The following KATNA1 variants were observed in gnomAD, a reference collection of about 807,000 sequenced individuals.
KATNA1 encodes the protein katanin catalytic subunit A1.
Under a neutral mutation model 62.6 loss-of-function variants are expected in KATNA1, and 42 were observed. The observed-to-expected ratio is 0.67, with a 90% CI of 0.52 to 0.87. The LOEUF is 0.87. Among genes scored for constraint, KATNA1 ranks in the 40% least tolerant of loss-of-function variants. The probability of loss-of-function intolerance (pLI) is 0.00; values close to 1 mark genes in which losing one functional copy is unlikely to be tolerated. For missense variants in KATNA1, 498 were observed against 612.5 expected (o/e 0.81, Z 1.97); for synonymous variants, 186 against 201.9 (o/e 0.92, Z 0.67).
chr6:149,647,776 A>G (rs1354800229), intron 1 of KATNA1, among the ~76,000 whole-genome samples: 1 of 152,210 alleles, frequency 6.6e-6, no homozygotes, highest in Non-Finnish European at 1.5e-5. Context: ...AAGAGAAAAG[A>G]GCATCACTGT....
intron 7 of KATNA1, among the ~76,000 whole-genome samples, chr6:149,598,873 T>A (rs1778428116): frequency 6.6e-6 from 1 of 151,802 alleles, no homozygotes; most frequent in Admixed American, 6.6e-5. Context: ...ATTTATTTAT[T>A]TTTTTTTAAG....
intron 4 of KATNA1, among the ~76,000 whole-genome samples, chr6:149,612,402 G>A (rs12111105): frequency 0.02 from 2,991 of 152,048 alleles, 98 homozygotes; most frequent in African/African-American, 0.07. Flanking sequence ...CCAGCTACTC[G>A]TGAAGCTGAA....
rs1780065445 is a variant in KATNA1 at position 149,636,392 on chromosome 6, T to TA, written c.162+1993_162+1994insT. ...TTCAAGACCAGCCTGAACAACATAGTGAGATGCCATGTCTGTAAAAAATAA... is the reference window on the plus strand; with the variant it reads ...TTCAAGACCAGCCTGAACAACATAGTAGAGATGCCATGTCTGTAAAAAATAA... On this transcript the variant is annotated intron_variant, in intron 2 of 10. Coordinates refer to ENST00000367411, the MANE Select transcript of KATNA1 (RefSeq NM_007044.4). Among the ~76,000 whole-genome samples, 7 of 151,982 alleles carry TA rather than the reference T, an allele frequency of 4.6e-5. No individual in the cohort carries two copies. The South Asian group carries it at 1.5e-3, about 32-fold the overall frequency.
At chr6:149,613,215 A>AAAAAAAAAAAAAAAAG (rs1779033013) in intron 4 of KATNA1, among the ~76,000 whole-genome samples, 1 of 142,426 alleles carries the variant, frequency 7.0e-6, no homozygotes, top group African/African-American at 2.7e-5. Context: ...AAAAAAAAAA[A>AAAAAAAAAAAAAAAAG]AAGAACATCT....
intron 1 of KATNA1, among the ~76,000 whole-genome samples, chr6:149,641,935 C>T (rs150689539): frequency 2.4e-3 from 368 of 152,288 alleles, no homozygotes; most frequent in African/African-American, 7.4e-3. Flanking sequence ...CAGAGTCTCA[C>T]TCTGTTGCCC....
rs1778407082 is a variant in KATNA1, at chr6:149,598,349, G to C, written c.890C>G (p.Ala297Gly). 6.2e-7 allele frequency: 1 copy of C among 1,613,192 alleles called. No individual in the cohort carries two copies. ...EKLVRLLFEM[A>G]RFYSPATIFI... Reference sequence around the variant, plus strand: ...TATGGTGGCTGGAGAATAAAATCGAGCCTAAAGGAAGAAACCATGCAATAT... The same window carrying C: ...TATGGTGGCTGGAGAATAAAATCGACCCTAAAGGAAGAAACCATGCAATAT... The change falls in exon 8 of 11, where the codon GCT becomes GGT. Residue 297 changes from alanine (A) to glycine (G), a missense_variant and splice_region_variant. This residue lies in a region of KATNA1 where 267 missense variants were observed against 372.6 expected (regional missense o/e 0.72). Transcript: ENST00000367411.
intron 1 of KATNA1, among the ~76,000 whole-genome samples, chr6:149,639,554 G>A (rs1035705963): frequency 3.9e-5 from 6 of 152,150 alleles, no homozygotes; most frequent in Non-Finnish European, 7.4e-5. Flanking sequence ...AGCCGAGATC[G>A]CACCACAGCA....
At chr6:149,595,992 G>C (rs1434006805) in intron 10 of KATNA1, among the ~76,000 whole-genome samples, 1 of 152,136 alleles carries the variant, frequency 6.6e-6, no homozygotes, top group African/African-American at 2.4e-5. Flanking sequence ...ACTGTATTCT[G>C]TGCATATGCC....
chr6:149,629,178 CT>C (rs1323394057), intron 3 of KATNA1, among the ~76,000 whole-genome samples: 10 of 152,096 alleles, frequency 6.6e-5, no homozygotes, highest in Non-Finnish European at 5.9e-5. Context: ...CTGGGAACAT[CT>C]ATTTGTTGGA....
rs748983274 is a variant in KATNA1, at chr6:149,620,540, C to T, written c.501+2563G>A. ...AACTCCTGACCTCAAGTGATCTGCC[C>T]GCCTTGGCCTCCCAAAGTGATGGGA... is the stretch of plus-strand genomic sequence containing the variant. On this transcript the variant is annotated intron_variant, in intron 4 of 10. Transcript: ENST00000367411. 3.9e-5 allele frequency among the ~76,000 whole-genome samples: 6 copies of T among 152,102 alleles called. No homozygotes were observed. The East Asian group carries it at 5.8e-4, about 15-fold the overall frequency.
At chr6:149,633,343 G>A (rs193285548) in intron 2 of KATNA1, among the ~76,000 whole-genome samples, 252 of 152,042 alleles carry the variant, frequency 1.7e-3, no homozygotes, top group African/African-American at 5.8e-3. Context: ...TCCTGACCTC[G>A]TGATCCACCC....
chr6:149,600,244 G>A (rs1778487071), intron 7 of KATNA1, among the ~76,000 whole-genome samples: 1 of 142,420 alleles, frequency 7.0e-6, no homozygotes, highest in African/African-American at 2.6e-5. Context: ...GCTCTTGCCT[G>A]TAATCCCGGC....
At chr6:149,605,996 G>C (rs1450815818) in intron 4 of KATNA1, among the ~76,000 whole-genome samples, 1 of 152,134 alleles carries the variant, frequency 6.6e-6, no homozygotes, top group Non-Finnish European at 1.5e-5. Context: ...CTGACCTCAA[G>C]TGATCCGCCC....
At chr6:149,648,756 G>C (rs972816310), upstream of KATNA1, 44 of 152,284 alleles carry the variant, frequency 2.9e-4, no homozygotes, top group African/African-American at 1.0e-3. Flanking sequence ...GTCGCTGGGC[G>C]GGAGCGGCGG....
chr6:149,608,568 G>C (rs910166888), intron 4 of KATNA1, among the ~76,000 whole-genome samples: 3 of 152,176 alleles, frequency 2.0e-5, no homozygotes, highest in Non-Finnish European at 4.4e-5. Context: ...GAAGGCCTAG[G>C]ACTTTCTACT....
At chr6:149,646,002 C>T (rs1780474242) in intron 1 of KATNA1, among the ~76,000 whole-genome samples, 1 of 151,916 alleles carries the variant, frequency 6.6e-6, no homozygotes, top group Admixed American at 6.6e-5. Context: ...AATACAGGGC[C>T]CTGCCTATTT....
At chr6:149,611,934 A>G (rs1335089491) in intron 4 of KATNA1, among the ~76,000 whole-genome samples, 1 of 152,138 alleles carries the variant, frequency 6.6e-6, no homozygotes, top group African/African-American at 2.4e-5. Flanking sequence ...CAGGAGGCGG[A>G]GCTTGCAGTG....
chr6:149,638,743 T>TG (rs1582809666), intron 1 of KATNA1, among the ~76,000 whole-genome samples, 183 bp from the exon 2 acceptor site: 4 of 140,748 alleles, frequency 2.8e-5, no homozygotes, highest in East Asian at 2.1e-4. Context: ...TTTTTTTTTT[T>TG]TTTTTTTTTT....
At chr6:149,633,268 T>C (rs1400543458) in intron 2 of KATNA1, among the ~76,000 whole-genome samples, 1 of 151,694 alleles carries the variant, frequency 6.6e-6, no homozygotes, top group Non-Finnish European at 1.5e-5. Context: ...CCACCACGCC[T>C]GGCTAATTTT....
Sources: gnomAD v4.1 joint callset for allele counts (sites outside exome capture counted in the v4.1 genomes callset) on GRCh38, gnomAD v4.1.1 for gene constraint, gnomAD v4.1.1 regional missense constraint, MANE v1.5 for transcripts, NCBI Gene and HGNC (gene_info 2026-07-23, HGNC 2026-07-21) for gene names.